FEZ2: variants seen among roughly 807,000 people sequenced by gnomAD.
FEZ2 encodes fasciculation and elongation protein zeta 2.
In FEZ2, 51 loss-of-function variants were observed where a neutral mutation model predicts 40.4. The observed-to-expected ratio is 1.26, with a 90% confidence interval of 1.01 to 1.59. FEZ2 has a LOEUF of 1.59. Among genes scored for constraint, FEZ2 ranks in the 40% most tolerant of loss-of-function variants. The probability of loss-of-function intolerance (pLI) is 0.00; values close to 1 mark genes in which losing one functional copy is unlikely to be tolerated. For synonymous variants in FEZ2, 242 were observed against 172.0 expected (o/e 1.41, Z -3.18); for missense variants, 640 against 438.3 (o/e 1.46, Z -4.11).
chr2:36,552,306 C>CA lies in FEZ2; in HGVS notation c.*856dup. 2.4e-6 allele frequency: 1 copy of CA among 421,862 alleles called. No homozygotes were observed. Among genetic ancestry groups the CA allele is most frequent in the East Asian group, 7.0e-5 (1 of 14,210 alleles). The allele number at this position is 421,862 out of a possible 1,614,324, so 26.1% of individuals were successfully genotyped here. ...TAAATGCCATTGATTTGACTGGAAC[C>CA]AGCAAAAGTGCTCATGATATTGATG... On this transcript the variant is annotated 3_prime_UTR_variant, in exon 8 of 8. Coordinates refer to ENST00000405912, the MANE Select transcript of FEZ2 (RefSeq NM_005102.3).
At chr2:36,583,227 C>A in intron 3 of FEZ2, 126 bp downstream of exon 3, 1 of 606,812 alleles carries the variant, frequency 1.6e-6, no homozygotes, top group East Asian at 2.7e-5. Flanking sequence ...AACTATTAAG[C>A]CTGTATAACC....
chr2:36,598,066 C>T lies in FEZ2; in HGVS notation c.77G>A (p.Cys26Tyr). Residue 26 changes from cysteine (C) to tyrosine (Y), a missense_variant, in exon 1 of 8, where the codon TGT (cysteine) becomes TAT (tyrosine). Cys to Tyr is a radical substitution (Grantham distance 194, BLOSUM62 -2). Transcript: ENST00000405912. ...PARSLLDQEN[C>Y]NASPEPGAEA... ...CGCCCCAGGCTCGGGGCTCGCGTTACAGTTCTCCTGGTCCAGGAGGCTCCG... is the reference window on the plus strand; with the variant it reads ...CGCCCCAGGCTCGGGGCTCGCGTTATAGTTCTCCTGGTCCAGGAGGCTCCG... The T allele has an allele frequency of 6.7e-7, 1 of 1,484,014 alleles. No homozygotes were observed. The highest frequency in any genetic ancestry group is 1.5e-5 in the African/African-American group (1 of 67,460). The allele number at this position is 1,484,014 out of a possible 1,614,324, so 91.9% of individuals were successfully genotyped here. A position where few individuals can be genotyped will look rare whatever the true frequency, so the allele number is the denominator to read the frequency against.
chr2:36,576,234 TCA>T (rs1236183825), intron 5 of FEZ2, among the ~76,000 whole-genome samples: 1 of 152,040 alleles, frequency 6.6e-6, no homozygotes, highest in Non-Finnish European at 1.5e-5. Flanking sequence ...CCTACTTGTG[TCA>T]CAGATAGGAA....
chr2:36,553,243 C>A, intron 7 of FEZ2, 64 bp from the exon 8 acceptor site: 1 of 1,152,650 alleles, frequency 8.7e-7, no homozygotes, highest in Non-Finnish European at 1.3e-6. Flanking sequence ...ACAAAACATA[C>A]ATTTTACATG....
chr2:36,585,676 G>A (rs940992368), intron 2 of FEZ2, among the ~76,000 whole-genome samples: 13 of 152,142 alleles, frequency 8.5e-5, no homozygotes, highest in African/African-American at 3.1e-4. Flanking sequence ...AAGAGAAAAT[G>A]TAAACATAAT....
intron 2 of FEZ2, among the ~76,000 whole-genome samples, chr2:36,584,628 G>A (rs1425832784): frequency 6.6e-6 from 1 of 152,162 alleles, no homozygotes; most frequent in African/African-American, 2.4e-5. Flanking sequence ...TGGGCAACAA[G>A]GATTACGTAA....
intron 1 of FEZ2, among the ~76,000 whole-genome samples, chr2:36,597,048 T>C (rs577489546): frequency 3.9e-4 from 59 of 152,254 alleles, no homozygotes; most frequent in Admixed American, 1.2e-3. Context: ...TAATATTACT[T>C]GTGTATGCCT....
At chr2:36,555,513 G>A (rs10178965) in intron 7 of FEZ2, 170 bp downstream of exon 7, 141,358 of 425,532 alleles carry the variant, frequency 0.33, 24,483 homozygotes, top group Middle Eastern at 0.44. Flanking sequence ...ATAAAACCAT[G>A]ATATATAATG....
At chr2:36,593,488 T>C (rs1284470103) in intron 1 of FEZ2, among the ~76,000 whole-genome samples, 1 of 152,128 alleles carries the variant, frequency 6.6e-6, no homozygotes, top group African/African-American at 2.4e-5. Flanking sequence ...CAAACCTCAA[T>C]TCTTGACTTC....
chr2:36,578,925 C>G, intron 4 of FEZ2, 60 bp from the exon 5 acceptor site: 2 of 1,426,194 alleles, frequency 1.4e-6, no homozygotes, highest in East Asian at 2.3e-5. Flanking sequence ...GGAAGCAAAA[C>G]AGAGTAGTCA....
At chr2:36,592,876 T>G (rs10180792) in intron 1 of FEZ2, among the ~76,000 whole-genome samples, 54,458 of 151,894 alleles carry the variant, frequency 0.36, 9,881 homozygotes, top group Middle Eastern at 0.52. Context: ...AACCCAAAAA[T>G]CTCTAGAGAA....
chr2:36,582,323 C>T (rs1422780095), intron 3 of FEZ2, among the ~76,000 whole-genome samples: 2 of 151,942 alleles, frequency 1.3e-5, no homozygotes, highest in African/African-American at 4.8e-5. Context: ...GTAAGATTTC[C>T]ACCAAGGAAA....
intron 5 of FEZ2, among the ~76,000 whole-genome samples, chr2:36,576,105 T>TATC (rs1668561513): frequency 6.6e-6 from 1 of 152,150 alleles, no homozygotes; most frequent in South Asian, 2.1e-4. Context: ...AGACTGCATG[T>TATC]GATATAAAAT....
intron 6 of FEZ2, chr2:36,557,150 TC>T (rs1376889538): frequency 6.6e-6 from 1 of 152,200 alleles, no homozygotes; most frequent in Non-Finnish European, 1.5e-5. Flanking sequence ...TTTTCTAACT[TC>T]TAAATAAAAT....
chr2:36,586,958 A>G (rs932216962), intron 2 of FEZ2, among the ~76,000 whole-genome samples: 2 of 152,168 alleles, frequency 1.3e-5, no homozygotes, highest in Admixed American at 6.5e-5. Context: ...TCTATCAATC[A>G]ATCAAATTGC....
chr2:36,585,103 G>C (rs1371049926), intron 2 of FEZ2, among the ~76,000 whole-genome samples: 1 of 151,744 alleles, frequency 6.6e-6, no homozygotes, highest in Non-Finnish European at 1.5e-5. Context: ...CTTCCAGGGA[G>C]GGAAAAAAAA....
intron 6 of FEZ2, chr2:36,557,843 C>T (rs1174344815): frequency 6.6e-6 from 1 of 151,936 alleles, no homozygotes. Context: ...TTAAATCTAA[C>T]AATTTTTTTT....
intron 5 of FEZ2, among the ~76,000 whole-genome samples, chr2:36,569,988 C>T (rs2125227770): frequency 6.6e-6 from 1 of 152,224 alleles, no homozygotes; most frequent in African/African-American, 2.4e-5. Context: ...CCTGATAAAT[C>T]ACGACACTTT....
At chr2:36,573,116 T>C (rs1327048971) in intron 5 of FEZ2, among the ~76,000 whole-genome samples, 3 of 152,154 alleles carry the variant, frequency 2.0e-5, no homozygotes, top group Non-Finnish European at 4.4e-5. Context: ...CAGTAGAAAT[T>C]CTCTCTTCAA....
Sources: allele counts gnomAD v4.1 joint callset (sites outside exome capture counted in the v4.1 genomes callset), GRCh38; gene constraint gnomAD v4.1.1; transcripts MANE v1.5; gene names NCBI Gene and HGNC (gene_info 2026-07-23, HGNC 2026-07-21).